Variants in RIMS4 observed in about 807,000 individuals in gnomAD.
The protein encoded by RIMS4 is regulating synaptic membrane exocytosis 4.
RIMS4 carries 9 observed loss-of-function variants against 29.0 expected under a neutral mutation model. The observed-to-expected ratio is 0.31, with a 90% CI of 0.19 to 0.54. The LOEUF (loss-of-function observed/expected upper bound fraction) is 0.54, where lower values mean the gene tolerates loss of function less well. RIMS4 is among the 20% of genes least tolerant of loss of function. The probability of loss-of-function intolerance (pLI) is 0.94; values close to 1 mark genes in which losing one functional copy is unlikely to be tolerated. For missense variants in RIMS4, 193 were observed against 365.7 expected, an observed-to-expected ratio of 0.53 and a Z score of 3.85; for synonymous variants, 130 against 152.9, an observed-to-expected ratio of 0.85 and a Z score of 1.10.
intron 2 of RIMS4, among the ~76,000 whole-genome samples, chr20:44,762,039 AG>A (rs2066087678): frequency 6.6e-6 from 1 of 151,982 alleles, no homozygotes; most frequent in Non-Finnish European, 1.5e-5. Flanking sequence ...TGGGGCAGGG[AG>A]TGGGGGATGG....
At chr20:44,783,280 A>G (rs1367384169) in intron 1 of RIMS4, among the ~76,000 whole-genome samples, 4 of 152,244 alleles carry the variant, frequency 2.6e-5, no homozygotes, top group African/African-American at 4.8e-5. Flanking sequence ...GGACGAATGA[A>G]CAAACTGTGG....
At chr20:44,799,361 G>C (rs952733861) in intron 1 of RIMS4, among the ~76,000 whole-genome samples, 1 of 152,050 alleles carries the variant, frequency 6.6e-6, no homozygotes, top group Non-Finnish European at 1.5e-5. Flanking sequence ...TCAGGGCCCA[G>C]CTGCCCAGTT....
chr20:44,765,126 G>T (rs2145449243), intron 2 of RIMS4, among the ~76,000 whole-genome samples: 3 of 152,314 alleles, frequency 2.0e-5, no homozygotes, highest in Admixed American at 2.0e-4. Flanking sequence ...GAATTGTTAA[G>T]TAATTGAACC....
chr20:44,770,837 C>A (rs1278382770), intron 2 of RIMS4, among the ~76,000 whole-genome samples: 5 of 152,178 alleles, frequency 3.3e-5, no homozygotes, highest in Non-Finnish European at 7.3e-5. Context: ...AATAAAACCC[C>A]TTTCTACCCC....
chr20:44,770,770 T>C (rs1601025637), intron 2 of RIMS4, among the ~76,000 whole-genome samples: 1 of 152,182 alleles, frequency 6.6e-6, no homozygotes, highest in African/African-American at 2.4e-5. Flanking sequence ...TAGTATACAT[T>C]TTTCAAAACC....
intron 2 of RIMS4, among the ~76,000 whole-genome samples, chr20:44,760,262 C>G (rs966007015): frequency 2.6e-5 from 4 of 152,160 alleles, no homozygotes; most frequent in African/African-American, 9.7e-5. Flanking sequence ...CTGGGGGGAT[C>G]TGAAAGCAGA....
chr20:44,790,114 G>A (rs932402645), intron 1 of RIMS4, among the ~76,000 whole-genome samples: 6 of 152,246 alleles, frequency 3.9e-5, no homozygotes, highest in African/African-American at 1.4e-4. Context: ...AAGCAACAGA[G>A]TCCAGGCTGC....
intron 1 of RIMS4, among the ~76,000 whole-genome samples, chr20:44,790,533 T>C (rs1329492344): frequency 6.6e-6 from 1 of 152,196 alleles, no homozygotes; most frequent in Non-Finnish European, 1.5e-5. Context: ...TTCTCACTTG[T>C]GAATGTCCGC....
chr20:44,795,150 A>G (rs528723686), intron 1 of RIMS4, among the ~76,000 whole-genome samples: 1 of 152,218 alleles, frequency 6.6e-6, no homozygotes, highest in African/African-American at 2.4e-5. Context: ...TTTATTGAGC[A>G]CTAATTATGT....
At chr20:44,799,528 A>G (rs949075607) in intron 1 of RIMS4, among the ~76,000 whole-genome samples, 1 of 152,200 alleles carries the variant, frequency 6.6e-6, no homozygotes, top group South Asian at 2.1e-4. Context: ...GGCTGATGAA[A>G]GATGCTGCTC....
rs1346845710 is a variant in RIMS4, at chr20:44,810,181, C to T, written c.91G>A (p.Asp31Asn). 3 of 1,587,730 alleles carry T rather than the reference C, an allele frequency of 1.9e-6. No individual in the cohort carries two copies. Among genetic ancestry groups the T allele is most frequent in the East Asian group, 2.3e-5 (1 of 43,524 alleles). Residue 31 changes from aspartate to asparagine, a missense_variant, in exon 1 of 6, where the codon GAC becomes AAC. Physicochemically the swap from Asp to Asn is conservative, Grantham distance 23. Transcript: ENST00000372851. ...FPCMNSFDDE[D>N]AGDSRRLKGA... ...GGGCGGGCCGCGCGCTTACCTGCGT[C>T]CTCGTCGTCGAAGGAGTTCATGCAC... is the stretch of plus-strand genomic sequence containing the variant.
intron 1 of RIMS4, among the ~76,000 whole-genome samples, chr20:44,774,685 C>T (rs983541238): frequency 3.3e-5 from 5 of 152,164 alleles, no homozygotes; most frequent in African/African-American, 1.2e-4. Flanking sequence ...TTAGTTCTGT[C>T]CTTCCAGAGA....
intron 1 of RIMS4, among the ~76,000 whole-genome samples, chr20:44,773,028 A>G (rs1294357838): frequency 3.3e-4 from 37 of 113,518 alleles, no homozygotes; most frequent in Non-Finnish European, 6.8e-5. Context: ...TCTGTCTCCC[A>G]CGTGTCTTTG....
chr20:44,778,001 G>C (rs1439054783), intron 1 of RIMS4, among the ~76,000 whole-genome samples: 3 of 152,210 alleles, frequency 2.0e-5, no homozygotes, highest in Non-Finnish European at 4.4e-5. Context: ...CCTGGAGACT[G>C]CTGCCTCTTC....
At chr20:44,789,861 C>T (rs1004202539) in intron 1 of RIMS4, among the ~76,000 whole-genome samples, 23 of 152,226 alleles carry the variant, frequency 1.5e-4, no homozygotes, top group African/African-American at 5.3e-4. Context: ...CTGTGCCCAG[C>T]CCAACATGTG....
intron 1 of RIMS4, among the ~76,000 whole-genome samples, chr20:44,785,751 T>C (rs1056162358): frequency 8.1e-6 from 1 of 123,032 alleles, no homozygotes; most frequent in Admixed American, 1.0e-4. Context: ...ATAGGTTTTC[T>C]TTTTTTTTTT....
intron 1 of RIMS4, among the ~76,000 whole-genome samples, chr20:44,799,484 G>A (rs1249828388): frequency 2.6e-5 from 4 of 152,130 alleles, no homozygotes; most frequent in African/African-American, 2.4e-5. Context: ...GATGGGCCCC[G>A]GAGGCACCTG....
intron 1 of RIMS4, among the ~76,000 whole-genome samples, chr20:44,805,874 T>C (rs1282568234): frequency 6.6e-6 from 1 of 152,064 alleles, no homozygotes; most frequent in Non-Finnish European, 1.5e-5. Context: ...TCCGGCAGGA[T>C]ATGGGTATCG....
At chr20:44,776,186 G>T (rs2066159585) in intron 1 of RIMS4, among the ~76,000 whole-genome samples, 1 of 152,166 alleles carries the variant, frequency 6.6e-6, no homozygotes, top group Non-Finnish European at 1.5e-5. Context: ...GAGAGGCTGA[G>T]GTAGGAGGAT....
Sources: gnomAD v4.1 joint callset for allele counts (sites outside exome capture counted in the v4.1 genomes callset) on GRCh38, gnomAD v4.1.1 for gene constraint, MANE v1.5 for transcripts, NCBI Gene and HGNC (gene_info 2026-07-23, HGNC 2026-07-21) for gene names.